The following VGLL4 variants were observed in gnomAD, a reference collection of about 807,000 sequenced individuals.
The protein encoded by VGLL4 is transcription cofactor vestigial-like protein 4.
Under a neutral mutation model 21.0 loss-of-function variants are expected in VGLL4, and 7 were observed. The ratio of observed to expected loss-of-function variants is 0.33; its 90% CI spans 0.19 to 0.63. VGLL4 has a LOEUF of 0.63. Among genes scored for constraint, VGLL4 ranks in the 20% least tolerant of loss-of-function variants. VGLL4 has a pLI of 0.78. For synonymous variants in VGLL4, 222 were observed against 173.2 expected (o/e 1.28, Z -2.21); for missense variants, 394 against 425.7 (o/e 0.93, Z 0.66).
At chr3:11,588,461 CGCCCATGG>C (rs2074410938) in intron 2 of VGLL4, among the ~76,000 whole-genome samples, 1 of 152,204 alleles carries the variant, frequency 6.6e-6, no homozygotes, top group Admixed American at 6.5e-5. Context: ...TACAGGCAGA[CGCCCATGG>C]AGATGGGCCT....
chr3:11,683,283 T>C (rs2076401732), intron 2 of VGLL4, among the ~76,000 whole-genome samples: 1 of 152,022 alleles, frequency 6.6e-6, no homozygotes, highest in Non-Finnish European at 1.5e-5. Flanking sequence ...CAGGAAACAA[T>C]AGATGTTGGC....
intron 1 of VGLL4, among the ~76,000 whole-genome samples, chr3:11,611,397 C>A (rs1209190070): frequency 1.3e-5 from 2 of 152,126 alleles, no homozygotes; most frequent in Non-Finnish European, 2.9e-5. Flanking sequence ...CATCTGCAAG[C>A]CAAGGAGAGA....
intron 2 of VGLL4, among the ~76,000 whole-genome samples, chr3:11,569,723 A>G (rs994057157): frequency 1.3e-5 from 2 of 152,098 alleles, no homozygotes; most frequent in African/African-American, 4.8e-5. Flanking sequence ...AACACATCAT[A>G]ATGAGACTGC....
Position 11,601,856 on chromosome 3 carries a change from C to A in VGLL4, c.249G>T (p.Met83Ile). Reference protein sequence around the residue: ...LDCDNDHVSKMSRIFNPHLNK... With the variant: ...LDCDNDHVSKISRIFNPHLNK... ...ACAGATGGGGGTTGAAGATGCGACT[C>A]ATTTTGGAGACGTGGTCGTTGTCAC... The change falls in exon 2 of 5, where the codon ATG (methionine) becomes ATT (isoleucine). Residue 83 changes from methionine to isoleucine, a missense_variant. By Grantham distance (10) the Met-to-Ile change is conservative (BLOSUM62 1). Coordinates refer to ENST00000430365, the MANE Select transcript of VGLL4 (RefSeq NM_001128219.3). 6.2e-7 allele frequency: 1 copy of A among 1,613,748 alleles called. No homozygotes were observed. Among genetic ancestry groups the A allele is most frequent in the Non-Finnish European group, 8.5e-7 (1 of 1,179,850 alleles).
At chr3:11,668,104 C>G (rs1482727355) in intron 2 of VGLL4, among the ~76,000 whole-genome samples, 1 of 151,924 alleles carries the variant, frequency 6.6e-6, no homozygotes, top group African/African-American at 2.4e-5. Flanking sequence ...ATCTGCCTGC[C>G]TTGGCCTCCC....
chr3:11,638,840 A>G (rs1306352000), intron 1 of VGLL4, among the ~76,000 whole-genome samples: 1 of 152,176 alleles, frequency 6.6e-6, no homozygotes, highest in Non-Finnish European at 1.5e-5. Flanking sequence ...AGACTGGTGG[A>G]AAACAAAAGA....
At chr3:11,559,504 G>T (rs1183443232) in intron 3 of VGLL4, 49 bp from the exon 4 acceptor site, 4 of 1,500,184 alleles carry the variant, frequency 2.7e-6, no homozygotes, top group Non-Finnish European at 3.6e-6. Context: ...TCAGTACCGG[G>T]CACCACCCCT....
chr3:11,628,414 AAAC>A (rs1241415821), intron 1 of VGLL4, among the ~76,000 whole-genome samples: 1 of 152,134 alleles, frequency 6.6e-6, no homozygotes, highest in Non-Finnish European at 1.5e-5. Flanking sequence ...AAAAGAAAAG[AAAC>A]ATCGAATTGT....
chr3:11,636,887 A>G (rs2075598333), intron 1 of VGLL4, among the ~76,000 whole-genome samples: 1 of 152,206 alleles, frequency 6.6e-6, no homozygotes. Flanking sequence ...AAGCTGGGAC[A>G]TATATTATCT....
chr3:11,675,352 TA>T (rs71268439), intron 2 of VGLL4, among the ~76,000 whole-genome samples: 10 of 100,464 alleles, frequency 1.0e-4, no homozygotes, highest in South Asian at 8.7e-4. Context: ...TCTCAAAAAA[TA>T]AAAAATAAAA....
upstream of VGLL4, among the ~76,000 whole-genome samples, chr3:11,646,617 A>AT (rs929890898): frequency 4.6e-5 from 7 of 152,184 alleles, no homozygotes; most frequent in Admixed American, 4.6e-4. Flanking sequence ...GACATGAAGA[A>AT]TTTTTTTAAT....
intron 1 of VGLL4, among the ~76,000 whole-genome samples, chr3:11,621,824 CTTG>C: frequency 6.6e-6 from 1 of 152,212 alleles, no homozygotes; most frequent in Non-Finnish European, 1.5e-5. Context: ...CTCACCAACA[CTTG>C]TTATTGTCTT....
chr3:11,643,387 G>A, intron 1 of VGLL4, 50 bp downstream of exon 1: 3 of 1,613,716 alleles, frequency 1.9e-6, no homozygotes, highest in Non-Finnish European at 2.5e-6. Context: ...ACACTGAGGA[G>A]GAGTGGCCGG....
At chr3:11,619,014 T>C (rs1252453858) in intron 1 of VGLL4, among the ~76,000 whole-genome samples, 2 of 152,230 alleles carry the variant, frequency 1.3e-5, no homozygotes, top group East Asian at 1.9e-4. Context: ...CAATCAACCA[T>C]TGTGCTCAGA....
At chr3:11,587,667 T>C (rs1024977966) in intron 2 of VGLL4, among the ~76,000 whole-genome samples, 1 of 152,240 alleles carries the variant, frequency 6.6e-6, no homozygotes, top group African/African-American at 2.4e-5. Context: ...ATCTGCACTT[T>C]GGGTCAATTT....
intron 3 of VGLL4, among the ~76,000 whole-genome samples, chr3:11,560,694 G>A (rs116820720): frequency 0.019 from 2,874 of 152,292 alleles, 77 homozygotes; most frequent in African/African-American, 0.064. Context: ...GGGTAGGGGG[G>A]GATGTGGCTT....
intron 1 of VGLL4, among the ~76,000 whole-genome samples, chr3:11,636,223 C>T (rs1207704469): frequency 1.3e-5 from 2 of 152,076 alleles, no homozygotes; most frequent in African/African-American, 4.8e-5. Flanking sequence ...TAGAGTCTCC[C>T]AGCTGGATTA....
At chr3:11,571,057 C>G (rs150012764) in intron 2 of VGLL4, among the ~76,000 whole-genome samples, 2 of 152,300 alleles carry the variant, frequency 1.3e-5, no homozygotes, top group African/African-American at 4.8e-5. Flanking sequence ...GTGGCGGAGG[C>G]TGAGGCAGAG....
At chr3:11,657,621 C>T (rs568828370) in intron 2 of VGLL4, among the ~76,000 whole-genome samples, 33 of 152,100 alleles carry the variant, frequency 2.2e-4, no homozygotes, top group Admixed American at 8.5e-4. Context: ...CTTTCTCTTC[C>T]GTAAAATGAA....
Sources: gnomAD v4.1 joint callset for allele counts (sites outside exome capture counted in the v4.1 genomes callset) on GRCh38, gnomAD v4.1.1 for gene constraint, MANE v1.5 for transcripts, NCBI Gene and HGNC (gene_info 2026-07-23, HGNC 2026-07-21) for gene names.